The following TLE6 variants were observed in gnomAD, a reference collection of about 807,000 sequenced individuals.
The protein encoded by TLE6 is transducin-like enhancer protein 6.
TLE6 carries 72 observed loss-of-function variants against 77.1 expected under a neutral mutation model. That is an observed-to-expected ratio of 0.93 (90% confidence interval 0.77 to 1.14). TLE6 has a LOEUF of 1.14. TLE6 is among the 50% of genes most tolerant of loss of function. The pLI is 0.00. For synonymous variants in TLE6, 366 were observed against 287.3 expected, an observed-to-expected ratio of 1.27 and a Z score of -2.77; for missense variants, 843 against 747.6, an observed-to-expected ratio of 1.13 and a Z score of -1.49.
Position 2,986,713 on chromosome 19 carries a change from CAA to C in TLE6, c.223-110_223-109del. 9.9e-6 allele frequency: 11 copies of C among 1,108,652 alleles called. No individual in the cohort carries two copies. The South Asian group carries it at 1.5e-4, about 15-fold the overall frequency. 68.7% of individuals were successfully genotyped at this position (1,108,652 alleles called of 1,614,324 possible). A position where few individuals can be genotyped will look rare whatever the true frequency, so the allele number is the denominator to read the frequency against. On this transcript the variant is annotated intron_variant, in intron 5 of 16. Coordinates refer to ENST00000246112, the MANE Select transcript of TLE6 (RefSeq NM_001143986.2). ...TGGGTGACAGAGTGAGACTCTGTCT[CAA>C]AAAAACAAGTAGATTGATATACCTT...
chr19:2,990,652 A>T (rs994898261), intron 13 of TLE6, among the ~76,000 whole-genome samples: 8 of 78,412 alleles, frequency 1.0e-4, no homozygotes, highest in East Asian at 2.0e-4. Context: ...TATATATATA[A>T]ATACATAAAT....
Position 2,993,423 on chromosome 19 carries a change from A to AT in TLE6, c.1387-7dup. On this transcript the variant is annotated splice_polypyrimidine_tract_variant and intron_variant, in intron 14 of 16. Coordinates refer to ENST00000246112, the MANE Select transcript of TLE6 (RefSeq NM_001143986.2). ...CCAGGTTCCTCCCTCCCCACTGCCCATTACCTAGATAATGAGCCTGTCCCA... is the reference window on the plus strand; with the variant it reads ...CCAGGTTCCTCCCTCCCCACTGCCCATTTACCTAGATAATGAGCCTGTCCCA... The AT allele has an allele frequency of 1.3e-6, 2 of 1,599,034 alleles. No homozygotes were observed. Among genetic ancestry groups the AT allele is most frequent in the Non-Finnish European group, 1.7e-6 (2 of 1,168,882 alleles).
At chr19:2,981,677 G>A (rs774335829) in intron 4 of TLE6, 94 bp downstream of exon 4, 91 of 1,365,540 alleles carry the variant, frequency 6.7e-5, no homozygotes, top group Non-Finnish European at 8.9e-5. Context: ...GTGCCCTAGA[G>A]AGGTTCTTTT....
intron 14 of TLE6, among the ~76,000 whole-genome samples, 175 bp from the exon 15 acceptor site, chr19:2,993,257 C>T (rs964417503): frequency 2.0e-5 from 3 of 152,146 alleles, no homozygotes. Context: ...GGAAGACTCT[C>T]CATTTTACAC....
intron 13 of TLE6, among the ~76,000 whole-genome samples, chr19:2,990,570 G>A (rs117557316): frequency 0.069 from 10,286 of 148,764 alleles, 469 homozygotes; most frequent in African/African-American, 0.11. Flanking sequence ...GTGCCACTGC[G>A]TTCCCAGCCT....
chr19:2,988,988 C>T (rs980182294), intron 11 of TLE6, 73 bp from the exon 12 acceptor site: 1 of 1,587,538 alleles, frequency 6.3e-7, no homozygotes, highest in Non-Finnish European at 8.6e-7. Context: ...CCCCTCTAGG[C>T]CTTGATGTGT....
intron 16 of TLE6, 82 bp from the exon 17 acceptor site, chr19:2,994,818 A>C: frequency 4.0e-6 from 3 of 750,862 alleles, no homozygotes; most frequent in Non-Finnish European, 6.7e-6. Flanking sequence ...TGAAGAGACG[A>C]TGCTTCATGC....
rs754471041 is a variant in TLE6, at chr19:2,989,306, CT to C, written c.987del (p.Ile330TyrfsTer30). ...AEDRFPESHL[P>X]IQTPGAFLRT... is the part of the protein sequence containing the mutation. ...GACAGGTTCCCTGAGAGCCACCTGC[CT>C]ATACAGGTGAGGACGGCCTTGGTTT... On this transcript the variant is annotated frameshift_variant, in exon 12 of 17. Coordinates refer to ENST00000246112, the MANE Select transcript of TLE6 (RefSeq NM_001143986.2). LOFTEE classifies it high-confidence loss of function. 1 of 1,613,198 alleles carries C rather than the reference CT, an allele frequency of 6.2e-7. No homozygotes were observed. Among genetic ancestry groups the C allele is most frequent in the Non-Finnish European group, 8.5e-7 (1 of 1,180,026 alleles).
At chr19:2,993,026 TAA>T (rs377287142) in intron 14 of TLE6, among the ~76,000 whole-genome samples, 9,861 of 47,738 alleles carry the variant, frequency 0.21, 447 homozygotes, top group Admixed American at 0.27. Flanking sequence ...CCGTCTCTAC[TAA>T]AAAAAAAAAA....
In TLE6 at chr19:2,989,684, C is replaced by G. The variant is rs2088999848; in HGVS notation, c.1143C>G (p.Asn381Lys). The G allele has an allele frequency of 1.2e-6, 2 of 1,614,238 alleles. No homozygotes were observed. The highest frequency in any genetic ancestry group is 1.7e-6 in the Non-Finnish European group (2 of 1,180,036). Residue 381 changes from asparagine to lysine, a missense_variant, in exon 13 of 17, where the codon AAC (asparagine) becomes AAG (lysine). Physicochemically the swap from Asn to Lys is moderately conservative, Grantham distance 94. Transcript: ENST00000246112. ...VKEQLPCAGL[N>K]CQALDANLDA... ...AGCAGTTGCCCTGTGCAGGTCTCAA[C>G]TGCCAGGCCCTGGATGCCAACCTGG... is the stretch of plus-strand genomic sequence containing the variant.
In TLE6 at chr19:2,993,451, G is replaced by T. The variant is rs529227877; in HGVS notation, c.1406G>T (p.Ser469Ile). 6 of 1,601,716 alleles carry T rather than the reference G, an allele frequency of 3.7e-6. No homozygotes were observed. Among genetic ancestry groups the T allele is most frequent in the African/African-American group, 1.3e-5 (1 of 74,368 alleles). Residue 469 changes from serine (S) to isoleucine (I), a missense_variant, in exon 15 of 17, where the codon AGC becomes ATC. Transcript: ENST00000246112. The stretch of plus-strand genomic sequence containing the variant: ...ACCTAGATAATGAGCCTGTCCCACA[G>T]CCCCCAGGAGGACTGGGTGCTGCTG... ...FKSQIMSLSH[S>I]PQEDWVLLGM...
At chr19:2,982,933 G>A (rs2088829131) in intron 5 of TLE6, among the ~76,000 whole-genome samples, 1 of 152,120 alleles carries the variant, frequency 6.6e-6, no homozygotes, top group Non-Finnish European at 1.5e-5. Context: ...CATATGACAT[G>A]GGAGTGAGGG....
At position 2,989,539 on chromosome 19, in the gene TLE6, C is replaced by T; in HGVS notation, c.998C>T (p.Pro333Leu). The change falls in exon 13 of 17, where the codon CCT becomes CTT. Residue 333 changes from proline to leucine, a missense_variant. Physicochemically the swap from Pro to Leu is moderately conservative, Grantham distance 98 (BLOSUM62 -3). Transcript: ENST00000246112. Reference protein sequence around the residue: ...FPESHLPIQTPGAFLRTCLLS... With the variant: ...FPESHLPIQTLGAFLRTCLLS... ...CAGTGACTCTGCCCATCCCAGACCC[C>T]TGGGGCCTTCCTGCGCACCTGCCTG... 1 of 1,611,708 alleles carries T rather than the reference C, an allele frequency of 6.2e-7. No individual in the cohort carries two copies. The highest frequency in any genetic ancestry group is 8.5e-7 in the Non-Finnish European group (1 of 1,179,516).
intron 2 of TLE6, among the ~76,000 whole-genome samples, chr19:2,979,685 C>T (rs1205707153): frequency 6.6e-6 from 1 of 151,636 alleles, no homozygotes; most frequent in Non-Finnish European, 1.5e-5. Flanking sequence ...TCATGCCTGT[C>T]ATTCCAGCAC....
chr19:2,992,878 C>G (rs2089109767), intron 14 of TLE6, among the ~76,000 whole-genome samples: 1 of 144,512 alleles, frequency 6.9e-6, no homozygotes, highest in Non-Finnish European at 1.5e-5. Context: ...ATGCTCCAAA[C>G]ACAGAGATCA....
At chr19:2,981,024 C>T (rs4807381) in intron 3 of TLE6, among the ~76,000 whole-genome samples, 53,829 of 151,090 alleles carry the variant, frequency 0.36, 11,772 homozygotes, top group Non-Finnish European at 0.47. Flanking sequence ...GCACCCTAGC[C>T]CGGGCAACAG....
At position 2,989,527 on chromosome 19, in the gene TLE6, C is replaced by T. The variant is rs111730923; in HGVS notation, c.994-8C>T. 449 of 1,607,712 alleles carry T rather than the reference C, an allele frequency of 2.8e-4. 3 individuals carry two copies. In the African/African-American group the frequency reaches 4.9e-3, roughly 18 times the overall value. ...GGCGACAGCTCACAGTGACTCTGCC[C>T]ATCCCAGACCCCTGGGGCCTTCCTG... is the stretch of plus-strand genomic sequence containing the variant. On this transcript the variant is annotated splice_region_variant and splice_polypyrimidine_tract_variant and intron_variant, in intron 12 of 16. Transcript: ENST00000246112.
At chr19:2,978,946 TGA>T (rs1258686129) in intron 2 of TLE6, among the ~76,000 whole-genome samples, 2 of 152,108 alleles carry the variant, frequency 1.3e-5, no homozygotes, top group Non-Finnish European at 2.9e-5. Context: ...TATTTTGTTT[TGA>T]GACTTTATGA....
In TLE6 at chr19:2,977,892, C is replaced by G. The variant is rs3803911; in HGVS notation, c.-37+282C>G. Among the ~76,000 whole-genome samples the G allele has an allele frequency of 8.1e-4, 123 of 152,242 alleles. 2 individuals are homozygous for G. In the East Asian group the frequency reaches 0.019, roughly 23 times the overall value. On this transcript the variant is annotated intron_variant, in intron 1 of 16. Transcript: ENST00000246112. ...ACTAAGGTTGAGCTTTGGCGACCTT[C>G]CCTGGGCTCCCCCGTCCCTGACTGC...
Sources: allele counts gnomAD v4.1 joint callset (sites outside exome capture counted in the v4.1 genomes callset), GRCh38; gene constraint gnomAD v4.1.1; transcripts MANE v1.5; gene names NCBI Gene and HGNC (gene_info 2026-07-23, HGNC 2026-07-21).